The following SDC2 variants were observed in gnomAD, a reference collection of about 807,000 sequenced individuals.
SDC2 encodes the protein syndecan-2.
In SDC2, 13 loss-of-function variants were observed where a neutral mutation model predicts 22.2. That is an observed-to-expected ratio of 0.59 (90% CI 0.38 to 0.93). The LOEUF is 0.93. SDC2 is among the 40% of genes least tolerant of loss of function. The probability of loss-of-function intolerance (pLI) is 0.00; values close to 1 mark genes in which losing one functional copy is unlikely to be tolerated. For missense variants in SDC2, 235 were observed against 246.8 expected, an observed-to-expected ratio of 0.95 and a Z score of 0.32; for synonymous variants, 94 against 92.8, an observed-to-expected ratio of 1.01 and a Z score of -0.07.
intron 1 of SDC2, among the ~76,000 whole-genome samples, chr8:96,565,102 T>TTTTTTTTTTTTTTTTTTTTTTGATTG (rs1814277755): frequency 7.0e-6 from 1 of 143,660 alleles, no homozygotes; most frequent in African/African-American, 2.5e-5. Flanking sequence ...TTTTTTTTGT[T>TTTTTTTTTTTTTTTTTTTTTTGATTG]GAGATGGGGA....
At chr8:96,517,719 A>T (rs111621903) in intron 1 of SDC2, among the ~76,000 whole-genome samples, 1 of 109,886 alleles carries the variant, frequency 9.1e-6, no homozygotes, top group Non-Finnish European at 2.2e-5. Context: ...ATATGTACAT[A>T]TTTTTGTATG....
At chr8:96,602,617 T>C (rs1229472644) in intron 3 of SDC2, 89 bp downstream of exon 3, 2 of 1,424,718 alleles carry the variant, frequency 1.4e-6, no homozygotes, top group East Asian at 2.3e-5. Flanking sequence ...TTTTGTATTA[T>C]TTTCTTCTTT....
At chr8:96,520,745 G>A (rs1376426573) in intron 1 of SDC2, among the ~76,000 whole-genome samples, 1 of 152,206 alleles carries the variant, frequency 6.6e-6, no homozygotes, top group Non-Finnish European at 1.5e-5. Flanking sequence ...GTCTGATGCA[G>A]TTCTCTAAGG....
At chr8:96,512,087 T>C (rs1813336454) in intron 1 of SDC2, among the ~76,000 whole-genome samples, 1 of 152,128 alleles carries the variant, frequency 6.6e-6, no homozygotes, top group East Asian at 1.9e-4. Context: ...GGGGAGAACA[T>C]ACCCATTCCT....
chr8:96,558,640 C>A (rs1814158911), intron 1 of SDC2, among the ~76,000 whole-genome samples: 1 of 152,164 alleles, frequency 6.6e-6, no homozygotes, highest in Non-Finnish European at 1.5e-5. Flanking sequence ...AGCACCAATT[C>A]TTTCCATTGT....
At chr8:96,568,496 C>T (rs1284395169) in intron 1 of SDC2, among the ~76,000 whole-genome samples, 2 of 152,110 alleles carry the variant, frequency 1.3e-5, no homozygotes, top group South Asian at 2.1e-4. Flanking sequence ...GTAGTTGGAG[C>T]GATGTATGTG....
chr8:96,607,831 G>C (rs1198703483), intron 3 of SDC2, among the ~76,000 whole-genome samples: 1 of 152,176 alleles, frequency 6.6e-6, no homozygotes, highest in Non-Finnish European at 1.5e-5. Flanking sequence ...CTAGGGGGAA[G>C]CATTAGGAGT....
At chr8:96,510,381 C>T (rs1813310235) in intron 1 of SDC2, among the ~76,000 whole-genome samples, 1 of 152,154 alleles carries the variant, frequency 6.6e-6, no homozygotes, top group South Asian at 2.1e-4. Context: ...GTCTTGTGAG[C>T]AAGACATCTG....
At chr8:96,521,998 T>A (rs2130462052) in intron 1 of SDC2, among the ~76,000 whole-genome samples, 1 of 152,372 alleles carries the variant, frequency 6.6e-6, no homozygotes, top group Non-Finnish European at 1.5e-5. Flanking sequence ...TTAAATTGCT[T>A]TATTTTTAAA....
chr8:96,551,625 C>T (rs1043999256), intron 1 of SDC2, among the ~76,000 whole-genome samples: 2 of 152,144 alleles, frequency 1.3e-5, no homozygotes, highest in Non-Finnish European at 2.9e-5. Flanking sequence ...CCTCTCATCA[C>T]CAAATGCAAG....
intron 1 of SDC2, among the ~76,000 whole-genome samples, chr8:96,511,005 G>A (rs550039893): frequency 5.9e-5 from 9 of 152,318 alleles, no homozygotes; most frequent in Non-Finnish European, 1.2e-4. Flanking sequence ...GGTTCTCGAA[G>A]TAGGGACTAA....
intron 1 of SDC2, chr8:96,586,461 A>G (rs1814688750): frequency 6.6e-6 from 1 of 151,724 alleles, no homozygotes; most frequent in Non-Finnish European, 1.5e-5. Context: ...TCTTCAAGGA[A>G]CTCGCTTTCT....
chr8:96,545,971 G>A lies in SDC2; in HGVS notation c.61-47509G>A, dbSNP rs183058155. Among the ~76,000 whole-genome samples the A allele has an allele frequency of 8.8e-4, 134 of 152,374 alleles. 1 individual carries two copies. The highest frequency in any genetic ancestry group is 3.1e-3 in the African/African-American group (128 of 41,592). On this transcript the variant is annotated intron_variant, in intron 1 of 4. Coordinates refer to ENST00000302190, the MANE Select transcript of SDC2 (RefSeq NM_002998.4). ...ATGCTGCATAATCCCCTGAGGTGATGCGTGCAGCGAGGCAACAGCAGTCAG... is the reference window on the plus strand; with the variant it reads ...ATGCTGCATAATCCCCTGAGGTGATACGTGCAGCGAGGCAACAGCAGTCAG...
At chr8:96,584,794 A>G (rs1445338078) in intron 1 of SDC2, among the ~76,000 whole-genome samples, 1 of 152,254 alleles carries the variant, frequency 6.6e-6, no homozygotes, top group African/African-American at 2.4e-5. Context: ...ATTCCAAAAA[A>G]GGAAGAAAGC....
At chr8:96,529,574 T>C (rs1005080746) in intron 1 of SDC2, among the ~76,000 whole-genome samples, 1 of 152,194 alleles carries the variant, frequency 6.6e-6, no homozygotes, top group East Asian at 1.9e-4. Flanking sequence ...TATCCTGGGA[T>C]ATTTTCATTC....
At chr8:96,599,028 T>G (rs1380719823) in intron 2 of SDC2, among the ~76,000 whole-genome samples, 1 of 144,648 alleles carries the variant, frequency 6.9e-6, no homozygotes, top group Non-Finnish European at 1.5e-5. Flanking sequence ...TGCAACCTCC[T>G]CCTCCCAGGT....
At chr8:96,546,161 G>A (rs1044512553) in intron 1 of SDC2, among the ~76,000 whole-genome samples, 2 of 152,182 alleles carry the variant, frequency 1.3e-5, no homozygotes, top group African/African-American at 4.8e-5. Flanking sequence ...AAGACCTGAT[G>A]GTGGTCCCTC....
chr8:96,582,923 CCCAGGAATTT>C (rs1422349129), intron 1 of SDC2, among the ~76,000 whole-genome samples: 1 of 152,086 alleles, frequency 6.6e-6, no homozygotes, highest in African/African-American at 2.4e-5. Flanking sequence ...GGTTATTAGA[CCCAGGAATTT>C]TTAAAACCTG....
At chr8:96,556,194 G>T (rs1814109430) in intron 1 of SDC2, among the ~76,000 whole-genome samples, 1 of 151,914 alleles carries the variant, frequency 6.6e-6, no homozygotes, top group Non-Finnish European at 1.5e-5. Context: ...TCCCCTCTTT[G>T]GGAATGATAA....
Sources: gnomAD v4.1 joint callset for allele counts (sites outside exome capture counted in the v4.1 genomes callset) on GRCh38, gnomAD v4.1.1 for gene constraint, MANE v1.5 for transcripts, NCBI Gene and HGNC (gene_info 2026-07-23, HGNC 2026-07-21) for gene names.